The following SETBP1 variants were observed in gnomAD, a reference collection of about 807,000 sequenced individuals.
SETBP1 encodes SET binding protein 1, also known as SET-binding protein.
A neutral mutation model predicts 101.0 loss-of-function variants in SETBP1; 9 were observed. That is an observed-to-expected ratio of 0.09 (90% CI 0.05 to 0.16). The LOEUF (loss-of-function observed/expected upper bound fraction) is 0.16. SETBP1 is among the 10% of genes least tolerant of loss of function. SETBP1 has a pLI of 1.00. For missense variants in SETBP1, 1,858 were observed against 2,033.8 expected, an observed-to-expected ratio of 0.91 and a Z score of 1.66; for synonymous variants, 818 against 788.5, an observed-to-expected ratio of 1.04 and a Z score of -0.63.
chr18:44,957,067 G>A (rs1257010098), intron 4 of SETBP1, among the ~76,000 whole-genome samples: 2 of 152,182 alleles, frequency 1.3e-5, no homozygotes, highest in Admixed American at 1.3e-4. Context: ...TAAATAGTGA[G>A]AAGGTGCAAT....
chr18:45,021,359 A>G (rs2073063351), intron 4 of SETBP1, among the ~76,000 whole-genome samples: 3 of 152,214 alleles, frequency 2.0e-5, no homozygotes, highest in Non-Finnish European at 4.4e-5. Context: ...AGGAACTGAC[A>G]TTAATCCCCC....
At chr18:44,868,721 A>C (rs55899447) in intron 2 of SETBP1, among the ~76,000 whole-genome samples, 1,920 of 14,776 alleles carry the variant, frequency 0.13, 173 homozygotes, top group South Asian at 0.18. Flanking sequence ...GGAGGAAGGA[A>C]GGAAGGAAGG....
intron 3 of SETBP1, among the ~76,000 whole-genome samples, chr18:44,890,729 T>A (rs1480002201): frequency 6.6e-6 from 1 of 152,114 alleles, no homozygotes; most frequent in African/African-American, 2.4e-5. Context: ...TTCCTAATGA[T>A]TTTTGCATTT....
intron 1 of SETBP1, among the ~76,000 whole-genome samples, chr18:44,691,555 C>T (rs1008238118): frequency 1.5e-4 from 23 of 152,170 alleles, no homozygotes; most frequent in African/African-American, 5.6e-4. Context: ...CCAGAGGAGA[C>T]ACTGTTTTTT....
At chr18:44,769,546 CTTTCTTCT>C (rs1568133996) in intron 2 of SETBP1, among the ~76,000 whole-genome samples, 1 of 152,176 alleles carries the variant, frequency 6.6e-6, no homozygotes, top group Non-Finnish European at 1.5e-5. Context: ...TGTCTAAATT[CTTTCTTCT>C]TTTCTTCTAT....
intron 2 of SETBP1, among the ~76,000 whole-genome samples, chr18:44,800,649 G>A (rs558639999): frequency 7.0e-4 from 106 of 152,260 alleles, no homozygotes; most frequent in Non-Finnish European, 1.2e-3. Flanking sequence ...GACCCCAAGA[G>A]GGAGTAGTTA....
intron 2 of SETBP1, among the ~76,000 whole-genome samples, chr18:44,850,568 A>G (rs2072832159): frequency 1.3e-5 from 2 of 151,908 alleles, no homozygotes; most frequent in South Asian, 4.2e-4. Flanking sequence ...GCAGGGTTTC[A>G]CCATATTGGT....
At chr18:44,962,269 T>C (rs1461847226) in intron 4 of SETBP1, among the ~76,000 whole-genome samples, 1 of 151,990 alleles carries the variant, frequency 6.6e-6, no homozygotes, top group African/African-American at 2.4e-5. Flanking sequence ...TCACAGTGAG[T>C]GCTCCAGCAG....
chr18:44,978,697 G>C (rs577495141), intron 4 of SETBP1, among the ~76,000 whole-genome samples: 1 of 152,156 alleles, frequency 6.6e-6, no homozygotes, highest in African/African-American at 2.4e-5. Flanking sequence ...ACCAACCATA[G>C]TGAGTCTTTT....
intron 1 of SETBP1, among the ~76,000 whole-genome samples, chr18:44,695,814 T>A (rs1316389129): frequency 1.3e-5 from 2 of 151,978 alleles, no homozygotes; most frequent in Admixed American, 6.6e-5. Context: ...AAAATTTTTT[T>A]AAAAAGTAAA....
intron 3 of SETBP1, among the ~76,000 whole-genome samples, chr18:44,878,275 A>G (rs1472701023): frequency 2.6e-5 from 4 of 152,202 alleles, no homozygotes; most frequent in Admixed American, 6.5e-5. Context: ...TGGAGACTCC[A>G]AAGATTTCCT....
At chr18:44,990,800 T>C (rs1427279645) in intron 4 of SETBP1, among the ~76,000 whole-genome samples, 2 of 151,882 alleles carry the variant, frequency 1.3e-5, no homozygotes, top group South Asian at 2.1e-4. Context: ...AGTTGCCTTA[T>C]TGTTTTAGAA....
At chr18:45,006,227 C>G (rs933722410) in intron 4 of SETBP1, among the ~76,000 whole-genome samples, 4 of 152,182 alleles carry the variant, frequency 2.6e-5, no homozygotes, top group African/African-American at 9.7e-5. Context: ...GCTGGGATTA[C>G]AGGCGTGAGC....
intron 4 of SETBP1, among the ~76,000 whole-genome samples, chr18:45,012,593 C>T (rs556120747): frequency 3.3e-5 from 5 of 152,156 alleles, no homozygotes; most frequent in East Asian, 3.9e-4. Flanking sequence ...TCTCCAGGAT[C>T]AGCAGGATTT....
chr18:44,967,818 C>G (rs1227662924), intron 4 of SETBP1, among the ~76,000 whole-genome samples: 1 of 152,190 alleles, frequency 6.6e-6, no homozygotes, highest in Non-Finnish European at 1.5e-5. Context: ...CTGGGAACTT[C>G]TTGCTCTTCT....
intron 2 of SETBP1, among the ~76,000 whole-genome samples, chr18:44,704,819 G>T (rs1482967806): frequency 6.6e-6 from 1 of 152,182 alleles, no homozygotes; most frequent in African/African-American, 2.4e-5. Flanking sequence ...ATGAGATTTC[G>T]TAAGCAACAC....
At chr18:44,823,596 A>G (rs989989037) in intron 2 of SETBP1, among the ~76,000 whole-genome samples, 2 of 152,232 alleles carry the variant, frequency 1.3e-5, no homozygotes, top group Non-Finnish European at 2.9e-5. Context: ...AAAATATTCT[A>G]GAACAGGACT....
intron 3 of SETBP1, among the ~76,000 whole-genome samples, chr18:44,882,068 G>A (rs1038348401): frequency 9.9e-5 from 15 of 151,896 alleles, no homozygotes; most frequent in Non-Finnish European, 1.6e-4. Context: ...GTCTCCCTTT[G>A]AGAATCATTT....
chr18:44,785,711 C>T (rs764054188), intron 2 of SETBP1, among the ~76,000 whole-genome samples: 23 of 152,180 alleles, frequency 1.5e-4, no homozygotes, highest in African/African-American at 5.3e-4. Context: ...TCTTCCCCTT[C>T]GTTATCTCTT....
Sources: allele counts gnomAD v4.1 joint callset (sites outside exome capture counted in the v4.1 genomes callset), GRCh38; gene constraint gnomAD v4.1.1; transcripts MANE v1.5; gene names NCBI Gene and HGNC (gene_info 2026-07-23, HGNC 2026-07-21).